Variants in PTGFR observed in about 807,000 individuals in gnomAD.
The protein encoded by PTGFR is prostaglandin F2-alpha receptor.
Under a neutral mutation model 26.2 loss-of-function variants are expected in PTGFR, and 15 were observed. The observed-to-expected ratio is 0.57, with a 90% CI of 0.38 to 0.88. The LOEUF is 0.88. PTGFR is among the 40% of genes least tolerant of loss of function. The probability of loss-of-function intolerance (pLI) is 0.00; values close to 1 mark genes in which losing one functional copy is unlikely to be tolerated. For synonymous variants in PTGFR, 165 were observed against 151.1 expected (o/e 1.09, Z -0.68); for missense variants, 369 against 427.2 (o/e 0.86, Z 1.20).
intron 2 of PTGFR, among the ~76,000 whole-genome samples, chr1:78,520,612 CTT>C (rs758643140): frequency 6.6e-6 from 1 of 151,972 alleles, no homozygotes; most frequent in Non-Finnish European, 1.5e-5. Flanking sequence ...TGACTTAGAC[CTT>C]TCTTAGTTAT....
chr1:78,519,276 C>T (rs1308086984), intron 2 of PTGFR, among the ~76,000 whole-genome samples: 1 of 152,106 alleles, frequency 6.6e-6, no homozygotes, highest in Non-Finnish European at 1.5e-5. Context: ...AAATTTCTCA[C>T]TACCTGAGTT....
rs781775903 is a variant in PTGFR, at chr1:78,492,815, G to A, written c.72G>A (p.Thr24=). 3.1e-6 allele frequency: 5 copies of A among 1,614,192 alleles called. No homozygotes were observed. In the South Asian group the frequency reaches 3.3e-5, roughly 11 times the overall value. ...AALLSNTTCQ[T]ENRLSVFFSV... ...TTCTTTCAAACACAACCTGCCAGAC[G>A]GAAAACCGGCTTTCCGTATTTTTTT... The change falls in exon 2 of 3, where the codon ACG becomes ACA. Residue 24 remains threonine (T), a synonymous_variant. Transcript: ENST00000370757.
chr1:78,535,603 A>T (rs1650625557), intron 2 of PTGFR, among the ~76,000 whole-genome samples: 1 of 152,126 alleles, frequency 6.6e-6, no homozygotes, highest in South Asian at 2.1e-4. Flanking sequence ...TTTCAAAGCC[A>T]CCTTATTTGT....
intron 2 of PTGFR, among the ~76,000 whole-genome samples, chr1:78,510,653 C>G (rs1286039359): frequency 6.6e-6 from 1 of 152,124 alleles, no homozygotes; most frequent in Non-Finnish European, 1.5e-5. Flanking sequence ...CCCTGGCCCC[C>G]CCAAATCTCA....
At chr1:78,498,253 A>G (rs1373522187) in intron 2 of PTGFR, among the ~76,000 whole-genome samples, 2 of 152,178 alleles carry the variant, frequency 1.3e-5, no homozygotes, top group South Asian at 2.1e-4. Flanking sequence ...CCATCATCAT[A>G]TTTAAGAATG....
intron 2 of PTGFR, among the ~76,000 whole-genome samples, chr1:78,524,139 A>T (rs1043103929): frequency 6.6e-6 from 1 of 152,020 alleles, no homozygotes; most frequent in African/African-American, 2.4e-5. Context: ...GAAAAGAATG[A>T]CATCACATGA....
chr1:78,496,302 AT>A (rs1649551801), intron 2 of PTGFR, among the ~76,000 whole-genome samples: 1 of 152,186 alleles, frequency 6.6e-6, no homozygotes, highest in South Asian at 2.1e-4. Flanking sequence ...TTTAATAGAT[AT>A]TAATTACTGA....
intron 2 of PTGFR, among the ~76,000 whole-genome samples, chr1:78,502,974 A>G (rs1237301580): frequency 6.6e-6 from 1 of 152,168 alleles, no homozygotes; most frequent in Non-Finnish European, 1.5e-5. Context: ...ACAGCTTATG[A>G]AAAGGAAAAA....
At chr1:78,506,882 T>C (rs1328158836) in intron 2 of PTGFR, among the ~76,000 whole-genome samples, 5 of 152,334 alleles carry the variant, frequency 3.3e-5, no homozygotes, top group African/African-American at 1.2e-4. Flanking sequence ...ATCTTGGGCA[T>C]TGTGAATGTT....
rs1261822728 is a variant in PTGFR, at chr1:78,539,626, T to C, written c.*2939T>C. 1 of 152,510 alleles carries C rather than the reference T, an allele frequency of 6.6e-6. No individual in the cohort carries two copies. Among genetic ancestry groups the C allele is most frequent in the Non-Finnish European group, 1.5e-5 (1 of 67,996 alleles). 9.4% of individuals were successfully genotyped at this position (152,510 alleles called of 1,614,324 possible). ...TGCTCTTCATACTTGTTGGATTGTA[T>C]AGAGATTAAATAGTGATATGTATAT... On this transcript the variant is annotated 3_prime_UTR_variant, in exon 3 of 3. Transcript: ENST00000370757.
Position 78,538,559 on chromosome 1 carries a change from ATTGTT to A in PTGFR, c.*1875_*1879del, listed in dbSNP as rs1224964746. 1 of 151,750 alleles carries A rather than the reference ATTGTT, an allele frequency of 6.6e-6. No individual in the cohort carries two copies. The highest frequency in any genetic ancestry group is 1.5e-5 in the Non-Finnish European group (1 of 67,912). 9.4% of individuals were successfully genotyped at this position (151,750 alleles called of 1,614,324 possible). On this transcript the variant is annotated 3_prime_UTR_variant, in exon 3 of 3. Transcript: ENST00000370757. ...AAAAAAAAAAAAGGAATGTGTTTTC[ATTGTT>A]TTAAGTTTTTCTTCTGAGTAAAACA...
rs117416226 is a variant in PTGFR, at chr1:78,512,100, C to T, written c.798+18559C>T. Among the ~76,000 whole-genome samples the T allele has an allele frequency of 9.3e-4, 140 of 150,746 alleles. 1 individual carries two copies. The East Asian group carries it at 0.026, about 28-fold the overall frequency. ...CACATTTCCATTAGGTTGTGATTTT[C>T]GTCACAACCATTTAATCAGTCTCTA... is the stretch of plus-strand genomic sequence containing the variant. On this transcript the variant is annotated intron_variant, in intron 2 of 2. Transcript: ENST00000370757.
intron 2 of PTGFR, among the ~76,000 whole-genome samples, chr1:78,535,852 T>G (rs1363701508): frequency 6.6e-6 from 1 of 152,166 alleles, no homozygotes; most frequent in Admixed American, 6.6e-5. Context: ...CTTTTTGGAA[T>G]GTTTTAGCCA....
chr1:78,497,547 G>A (rs985283546), intron 2 of PTGFR, among the ~76,000 whole-genome samples: 5 of 152,114 alleles, frequency 3.3e-5, no homozygotes, highest in African/African-American at 1.2e-4. Context: ...TTTTATATGG[G>A]TAACGATTCT....
chr1:78,524,675 T>C (rs1286585963), intron 2 of PTGFR, among the ~76,000 whole-genome samples: 1 of 152,006 alleles, frequency 6.6e-6, no homozygotes, highest in Non-Finnish European at 1.5e-5. Context: ...TTACAGATCT[T>C]ATGCAGTCCC....
chr1:78,502,409 T>G (rs980149316), intron 2 of PTGFR, among the ~76,000 whole-genome samples: 1 of 152,172 alleles, frequency 6.6e-6, no homozygotes, highest in Non-Finnish European at 1.5e-5. Context: ...TCCTCATAAT[T>G]AAGTAGTAAT....
chr1:78,497,368 GA>G (rs1649579279), intron 2 of PTGFR, among the ~76,000 whole-genome samples: 1 of 152,028 alleles, frequency 6.6e-6, no homozygotes, highest in Non-Finnish European at 1.5e-5. Context: ...AAACATCTTT[GA>G]AAGTGAAACA....
intron 2 of PTGFR, among the ~76,000 whole-genome samples, chr1:78,528,006 T>C (rs1650412329): frequency 6.6e-6 from 1 of 151,796 alleles, no homozygotes; most frequent in Non-Finnish European, 1.5e-5. Context: ...CAGGAGAAAA[T>C]TATGTGGGGT....
chr1:78,537,921 A>G lies in PTGFR; in HGVS notation c.*1234A>G, dbSNP rs545631117. On this transcript the variant is annotated 3_prime_UTR_variant, in exon 3 of 3. Coordinates refer to ENST00000370757, the MANE Select transcript of PTGFR (RefSeq NM_000959.4). The stretch of plus-strand genomic sequence containing the variant: ...CCAAAAGAATTTCAATACCCATTCA[A>G]ATTGTCCTAGGTCTATCAGAAATTA... 1.3e-5 allele frequency: 2 copies of G among 152,216 alleles called. No individual in the cohort carries two copies. The highest frequency in any genetic ancestry group is 4.1e-4 in the South Asian group (2 of 4,822). 9.4% of individuals were successfully genotyped at this position (152,216 alleles called of 1,614,324 possible). A position where few individuals can be genotyped will look rare whatever the true frequency, so the allele number is the denominator to read the frequency against.
Sources: allele counts gnomAD v4.1 joint callset (sites outside exome capture counted in the v4.1 genomes callset), GRCh38; gene constraint gnomAD v4.1.1; transcripts MANE v1.5; gene names NCBI Gene and HGNC (gene_info 2026-07-23, HGNC 2026-07-21).